The following SORCS1 variants were observed in gnomAD, a reference collection of about 807,000 sequenced individuals.
SORCS1 encodes VPS10 domain-containing receptor SorCS1.
SORCS1 carries 60 observed loss-of-function variants against 146.1 expected under a neutral mutation model. That is an observed-to-expected ratio of 0.41 (90% CI 0.33 to 0.51). SORCS1 has a LOEUF of 0.51. Among genes scored for constraint, SORCS1 ranks in the 20% least tolerant of loss-of-function variants. SORCS1 has a pLI of 0.21. For missense variants in SORCS1, 1,352 were observed against 1,487.6 expected, an observed-to-expected ratio of 0.91 and a Z score of 1.50; for synonymous variants, 637 against 584.0, an observed-to-expected ratio of 1.09 and a Z score of -1.31.
the SORCS1 span, among the ~76,000 whole-genome samples, chr10:107,179,497 A>T: frequency 6.6e-6 from 1 of 152,068 alleles, no homozygotes; most frequent in Non-Finnish European, 1.5e-5. Flanking sequence ...TGAGAATGGC[A>T]TTTTTTACTC....
chr10:106,850,291 C>A (rs868743513), intron 2 of SORCS1, among the ~76,000 whole-genome samples: 1 of 152,248 alleles, frequency 6.6e-6, no homozygotes, highest in East Asian at 1.9e-4. Flanking sequence ...TCTCGTGGTG[C>A]GCCGTGTTTT....
chr10:107,092,027 G>T (rs191165431), intron 1 of SORCS1, among the ~76,000 whole-genome samples: 1 of 152,264 alleles, frequency 6.6e-6, no homozygotes, highest in Admixed American at 6.5e-5. Context: ...AGAGATTTCC[G>T]AGAAGAGCTG....
At chr10:106,851,531 C>G (rs1949572809) in intron 2 of SORCS1, among the ~76,000 whole-genome samples, 1 of 152,242 alleles carries the variant, frequency 6.6e-6, no homozygotes, top group African/African-American at 2.4e-5. Flanking sequence ...TGTTCTATGT[C>G]TGGGCTCTCT....
chr10:107,048,394 T>C (rs1164466603), intron 1 of SORCS1, among the ~76,000 whole-genome samples: 1 of 152,194 alleles, frequency 6.6e-6, no homozygotes, highest in African/African-American at 2.4e-5. Context: ...TTTTTCTTCA[T>C]GGTCCTTAAC....
intron 24 of SORCS1, among the ~76,000 whole-genome samples, chr10:106,584,104 T>A (rs1352552084): frequency 1.3e-5 from 2 of 152,200 alleles, no homozygotes; most frequent in African/African-American, 4.8e-5. Flanking sequence ...CAGGCTTGAG[T>A]TATATGCTTT....
chr10:106,962,471 T>C (rs557866409), intron 1 of SORCS1, among the ~76,000 whole-genome samples: 112 of 150,900 alleles, frequency 7.4e-4, no homozygotes, highest in Non-Finnish European at 1.4e-3. Flanking sequence ...CTTCAATTAA[T>C]AATAATTTGC....
At chr10:106,948,111 T>C (rs1377950137) in intron 2 of SORCS1, among the ~76,000 whole-genome samples, 3 of 152,146 alleles carry the variant, frequency 2.0e-5, no homozygotes, top group Non-Finnish European at 4.4e-5. Context: ...ATCCAGTGAA[T>C]AGTATACTTC....
chr10:107,025,531 T>C (rs1958362185), intron 1 of SORCS1, among the ~76,000 whole-genome samples: 1 of 152,222 alleles, frequency 6.6e-6, no homozygotes, highest in Non-Finnish European at 1.5e-5. Flanking sequence ...TTTCATGATG[T>C]TTAGTGTATT....
intron 1 of SORCS1, among the ~76,000 whole-genome samples, chr10:107,148,273 T>C (rs1459760537): frequency 2.0e-5 from 3 of 152,200 alleles, no homozygotes; most frequent in Admixed American, 2.0e-4. Context: ...CAAACGTTCC[T>C]GTAAAGGGTC....
At chr10:107,167,798 TCATATATATG>T (rs746686292), upstream of SORCS1, among the ~76,000 whole-genome samples, 125 of 151,944 alleles carry the variant, frequency 8.2e-4, no homozygotes, top group Non-Finnish European at 1.5e-3. Context: ...GTATATATAT[TCATATATATG>T]CATATATATG....
At chr10:106,783,774 A>T (rs978904109) in intron 3 of SORCS1, among the ~76,000 whole-genome samples, 1 of 152,222 alleles carries the variant, frequency 6.6e-6, no homozygotes, top group Non-Finnish European at 1.5e-5. Flanking sequence ...TTCCAGCATG[A>T]TTCTTCCGTA....
intron 19 of SORCS1, among the ~76,000 whole-genome samples, chr10:106,625,947 G>C (rs911571): frequency 0.043 from 6,472 of 152,208 alleles, 208 homozygotes; most frequent in East Asian, 0.13. Flanking sequence ...CAAACTAGCA[G>C]AGCACAGTGA....
intron 2 of SORCS1, among the ~76,000 whole-genome samples, chr10:106,891,145 A>G (rs1473957391): frequency 6.6e-6 from 1 of 152,172 alleles, no homozygotes; most frequent in Admixed American, 6.5e-5. Flanking sequence ...AAAAATATCT[A>G]GGTCCTAAGA....
intron 18 of SORCS1, among the ~76,000 whole-genome samples, chr10:106,642,757 A>G (rs1439311792): frequency 6.6e-6 from 1 of 152,102 alleles, no homozygotes; most frequent in Non-Finnish European, 1.5e-5. Context: ...CACACTAGGC[A>G]TTCAACAAAG....
intron 1 of SORCS1, among the ~76,000 whole-genome samples, chr10:107,006,333 G>A (rs941613606): frequency 3.4e-5 from 4 of 117,670 alleles, no homozygotes; most frequent in Non-Finnish European, 5.9e-5. Context: ...AAAGAAACAA[G>A]GAAGACAGGG....
At chr10:106,907,900 A>AC (rs1951980133) in intron 2 of SORCS1, among the ~76,000 whole-genome samples, 1 of 151,970 alleles carries the variant, frequency 6.6e-6, no homozygotes, top group Non-Finnish European at 1.5e-5. Context: ...GCACTCAAAA[A>AC]AAAAAAAAAT....
chr10:107,031,427 A>G (rs1024339486), intron 1 of SORCS1, among the ~76,000 whole-genome samples: 2 of 152,160 alleles, frequency 1.3e-5, no homozygotes, highest in South Asian at 4.1e-4. Context: ...TCAAGAATCA[A>G]TGCCTAGGGC....
intron 13 of SORCS1, among the ~76,000 whole-genome samples, chr10:106,675,455 G>A (rs1851957001): frequency 6.6e-6 from 1 of 151,912 alleles, no homozygotes; most frequent in African/African-American, 2.4e-5. Flanking sequence ...TATATCTTAG[G>A]CCTCAAGCTC....
chr10:106,618,098 A>G lies in SORCS1; in HGVS notation c.2920+51T>C, dbSNP rs777297300. ...GTCTCTGGCATCATGGCACAAGAGA[A>G]CCTCCTCTGAGCATGAAGACAGCAG... On this transcript the variant is annotated intron_variant, in intron 21 of 25. Coordinates refer to ENST00000263054, the MANE Select transcript of SORCS1 (RefSeq NM_052918.5). 7 of 1,608,176 alleles carry G rather than the reference A, an allele frequency of 4.4e-6. No individual in the cohort carries two copies. In the Admixed American group the frequency reaches 1.2e-4, roughly 27 times the overall value.
Sources: gnomAD v4.1 joint callset for allele counts (sites outside exome capture counted in the v4.1 genomes callset) on GRCh38, gnomAD v4.1.1 for gene constraint, MANE v1.5 for transcripts, NCBI Gene and HGNC (gene_info 2026-07-23, HGNC 2026-07-21) for gene names.